The following ABI3BP variants were observed in gnomAD, a reference collection of about 807,000 sequenced individuals.
ABI3BP encodes the protein target of Nesh-SH3.
In ABI3BP, 216 loss-of-function variants were observed where a neutral mutation model predicts 268.6. That is an observed-to-expected ratio of 0.80 (90% CI 0.72 to 0.90). The LOEUF (loss-of-function observed/expected upper bound fraction) is 0.90. ABI3BP is among the 40% of genes least tolerant of loss of function. The probability of loss-of-function intolerance (pLI) is 0.00; values close to 1 mark genes in which losing one functional copy is unlikely to be tolerated. For synonymous variants in ABI3BP, 730 were observed against 730.0 expected (o/e 1.00, Z 0.00); for missense variants, 2,090 against 2,182.4 (o/e 0.96, Z 0.84).
At chr3:100,865,469 C>T (rs765526236) in intron 10 of ABI3BP, among the ~76,000 whole-genome samples, 37 of 152,074 alleles carry the variant, frequency 2.4e-4, no homozygotes, top group Non-Finnish European at 4.9e-4. Context: ...ACAGATTTGT[C>T]CCAAATGCTA....
chr3:100,820,422 G>T, intron 39 of ABI3BP, 119 bp from the exon 40 acceptor site: 1 of 757,184 alleles, frequency 1.3e-6, no homozygotes, highest in Non-Finnish European at 2.0e-6. Context: ...CAGGAAATTT[G>T]TCTTTTTAAC....
rs1014377371 is a variant in ABI3BP, at chr3:100,869,323, CTTTTTGGTTTTTT to C, written c.911-2380_911-2368del. On this transcript the variant is annotated intron_variant, in intron 9 of 67. Coordinates refer to ENST00000471714, the MANE Select transcript of ABI3BP (RefSeq NM_001375547.2). Reference sequence around the variant, plus strand: ...TACAGGCATATTGTTTTTTCTTCTTCTTTTTGGTTTTTTTTTTTTTTTTTTTTTTTTTTGAGTC... The same window carrying C: ...TACAGGCATATTGTTTTTTCTTCTTCTTTTTTTTTTTTTTTTTTTTGAGTC... 1.6e-4 allele frequency among the ~76,000 whole-genome samples: 12 copies of C among 75,656 alleles called. 1 individual carries two copies. Among genetic ancestry groups the C allele is most frequent in the African/African-American group, 5.7e-4 (12 of 21,014 alleles). 49.6% of individuals were successfully genotyped at this position (75,656 alleles called of 152,430 possible). A position where few individuals can be genotyped will look rare whatever the true frequency, so the allele number is the denominator to read the frequency against.
In ABI3BP at chr3:100,784,280, T is replaced by C. The variant is rs150150847; in HGVS notation, c.4162+3448A>G. 3.6e-3 allele frequency among the ~76,000 whole-genome samples: 547 copies of C among 152,246 alleles called. 5 individuals carry two copies. Among genetic ancestry groups the C allele is most frequent in the Non-Finnish European group, 5.3e-3 (360 of 68,014 alleles). Reference sequence around the variant, plus strand: ...GGCACAACCTTAGGTGGTCTAAGACTGTAAAGAACATGTCCTATAGGAACT... The same window carrying C: ...GGCACAACCTTAGGTGGTCTAAGACCGTAAAGAACATGTCCTATAGGAACT... On this transcript the variant is annotated intron_variant, in intron 57 of 67. Transcript: ENST00000471714.
intron 1 of ABI3BP, among the ~76,000 whole-genome samples, chr3:100,947,274 A>G (rs960405372): frequency 1.3e-5 from 2 of 152,152 alleles, no homozygotes; most frequent in Non-Finnish European, 2.9e-5. Flanking sequence ...GCTTGGCATC[A>G]TTGCCTACTA....
chr3:100,894,598 G>A (rs2046273244), intron 4 of ABI3BP, among the ~76,000 whole-genome samples: 1 of 152,116 alleles, frequency 6.6e-6, no homozygotes, highest in South Asian at 2.1e-4. Flanking sequence ...AGGCAAGAGA[G>A]TCTGCTCTGG....
At chr3:100,986,802 AT>A (rs1262441687) in intron 1 of ABI3BP, among the ~76,000 whole-genome samples, 11 of 152,328 alleles carry the variant, frequency 7.2e-5, no homozygotes, top group African/African-American at 2.6e-4. Flanking sequence ...AATAATATAT[AT>A]TTCACATGTT....
chr3:100,990,436 A>C (rs2092732038), intron 1 of ABI3BP, among the ~76,000 whole-genome samples: 1 of 152,018 alleles, frequency 6.6e-6, no homozygotes, highest in Non-Finnish European at 1.5e-5. Flanking sequence ...CTCCATTAAT[A>C]GTCTCCAAGC....
chr3:100,765,707 T>C (rs1387065823), intron 63 of ABI3BP, 134 bp downstream of exon 63: 36 of 668,068 alleles, frequency 5.4e-5, no homozygotes, highest in Non-Finnish European at 7.8e-5. Context: ...TAGTGCTATA[T>C]ATAGAAAACC....
rs1325121710 is a variant in ABI3BP at position 100,754,708 on chromosome 3, A to G, written c.4851-17T>C. ...AATTCATAACTGTTTAGGGGAAAAT[A>G]AAAAAATACTTGTAATACATTCTTG... On this transcript the variant is annotated splice_polypyrimidine_tract_variant and intron_variant, in intron 63 of 67. Coordinates refer to ENST00000471714, the MANE Select transcript of ABI3BP (RefSeq NM_001375547.2). 1.3e-6 allele frequency: 2 copies of G among 1,558,290 alleles called. No individual in the cohort carries two copies. The highest frequency in any genetic ancestry group is 2.4e-5 in the South Asian group (2 of 84,690).
intron 6 of ABI3BP, among the ~76,000 whole-genome samples, chr3:100,878,981 A>C (rs2099196310): frequency 6.6e-6 from 1 of 152,194 alleles, no homozygotes; most frequent in Non-Finnish European, 1.5e-5. Context: ...AACCAAGCTA[A>C]TTACCATATC....
rs1355576636 is a variant in ABI3BP at position 100,750,334 on chromosome 3, ACT to A, written c.*159_*160del. 27 of 526,850 alleles carry A rather than the reference ACT, an allele frequency of 5.1e-5. No homozygotes were observed. In the African/African-American group the frequency reaches 5.1e-4, roughly 10 times the overall value. The allele number at this position is 526,850 out of a possible 1,614,324, so 32.6% of individuals were successfully genotyped here. ...AATGACTTTGTAAAACCTGATAAAT[ACT>A]CTCAGCAATCTTTTCTAATAATAAA... On this transcript the variant is annotated 3_prime_UTR_variant, in exon 68 of 68. Transcript: ENST00000471714.
At chr3:100,773,206 A>G (rs2096602499) in intron 61 of ABI3BP, among the ~76,000 whole-genome samples, 2 of 152,186 alleles carry the variant, frequency 1.3e-5, no homozygotes, top group Non-Finnish European at 1.5e-5. Context: ...CACACTGGGA[A>G]AAAATATTTT....
intron 1 of ABI3BP, among the ~76,000 whole-genome samples, chr3:100,991,926 G>C (rs1264247104): frequency 1.3e-5 from 2 of 152,074 alleles, no homozygotes; most frequent in African/African-American, 4.8e-5. Flanking sequence ...TGAATAAAAA[G>C]TAAAATAAAA....
intron 33 of ABI3BP, 82 bp downstream of exon 33, chr3:100,829,499 G>T: frequency 2.3e-6 from 3 of 1,312,842 alleles, no homozygotes; most frequent in South Asian, 1.3e-5. Flanking sequence ...ATCAGCTGCT[G>T]ACCATGCCCA....
intron 1 of ABI3BP, among the ~76,000 whole-genome samples, chr3:100,965,416 A>C (rs2080894994): frequency 6.6e-6 from 1 of 152,166 alleles, no homozygotes; most frequent in African/African-American, 2.4e-5. Flanking sequence ...GCCCTCCAGA[A>C]TGGCCAATTA....
chr3:100,760,503 C>CA lies in ABI3BP; in HGVS notation c.4850+5337dup, dbSNP rs1042470944. On this transcript the variant is annotated intron_variant, in intron 63 of 67. Transcript: ENST00000471714. Reference sequence around the variant, plus strand: ...CAGACTGCAGACAGAGATTTAAAGACAAAAAAAAATGTTTACTGGGACAAT... The same window carrying CA: ...CAGACTGCAGACAGAGATTTAAAGACAAAAAAAAAATGTTTACTGGGACAAT... 4.0e-3 allele frequency among the ~76,000 whole-genome samples: 603 copies of CA among 150,826 alleles called. 3 individuals are homozygous for CA. The highest frequency in any genetic ancestry group is 0.015 in the South Asian group (73 of 4,782).
rs1035740341 is a variant in ABI3BP at position 100,754,548 on chromosome 3, G to A, written c.4930+64C>T. On this transcript the variant is annotated intron_variant, in intron 64 of 67. Coordinates refer to ENST00000471714, the MANE Select transcript of ABI3BP (RefSeq NM_001375547.2). ...AGTGGGTTTCAAACAAACTTCCTACGCAAAACATTGCTCCACTGTGGCCCT... is the reference window on the plus strand; with the variant it reads ...AGTGGGTTTCAAACAAACTTCCTACACAAAACATTGCTCCACTGTGGCCCT... 2.8e-5 allele frequency: 40 copies of A among 1,453,998 alleles called. No individual in the cohort carries two copies. The South Asian group carries it at 3.9e-4, about 14-fold the overall frequency. 90.1% of individuals were successfully genotyped at this position (1,453,998 alleles called of 1,614,324 possible).
At chr3:100,847,474 G>T (rs2098783441) in intron 19 of ABI3BP, 128 bp downstream of exon 19, 1 of 803,134 alleles carries the variant, frequency 1.2e-6, no homozygotes. Context: ...TCTCTGAGAT[G>T]GGCCATGCTG....
At chr3:100,837,307 CTTAT>C (rs2098609378) in intron 26 of ABI3BP, 136 bp from the exon 27 acceptor site, 3 of 575,448 alleles carry the variant, frequency 5.2e-6, no homozygotes, top group Admixed American at 3.9e-5. Flanking sequence ...TCTTGATAGG[CTTAT>C]TTATTATGTG....
Sources: allele counts gnomAD v4.1 joint callset (sites outside exome capture counted in the v4.1 genomes callset), GRCh38; gene constraint gnomAD v4.1.1; transcripts MANE v1.5; gene names NCBI Gene and HGNC (gene_info 2026-07-23, HGNC 2026-07-21).